The following TBC1D15 variants were observed in gnomAD, a reference collection of about 807,000 sequenced individuals.
TBC1D15 encodes the protein GAP for RAB7.
TBC1D15 carries 39 observed loss-of-function variants against 95.4 expected under a neutral mutation model. That is an observed-to-expected ratio of 0.41 (90% confidence interval 0.32 to 0.53). TBC1D15 has a LOEUF of 0.53. Ranked by LOEUF, TBC1D15 falls within the 20% of genes least tolerant of loss-of-function variation. The probability of loss-of-function intolerance (pLI) is 0.29; values close to 1 mark genes in which losing one functional copy is unlikely to be tolerated. For missense variants in TBC1D15, 733 were observed against 794.3 expected (o/e 0.92, Z 0.93); for synonymous variants, 258 against 261.3 (o/e 0.99, Z 0.12).
intron 11 of TBC1D15, among the ~76,000 whole-genome samples, chr12:71,908,247 C>T (rs1240236807): frequency 3.9e-5 from 6 of 152,088 alleles, no homozygotes; most frequent in Admixed American, 3.9e-4. Flanking sequence ...GGGTAGAAAA[C>T]TTAAGGAACC....
chr12:71,894,822 A>G lies in TBC1D15; in HGVS notation c.794A>G (p.Asp265Gly), dbSNP rs1232097158. ...TCAGAAATGGCAGATTTTCTTAGTG[A>G]TGCTATTCCAGGTCTAAAGATAAAT... ...PPSEMADFLS[D>G]AIPGLKINQQ... The change falls in exon 7 of 17, where the codon GAT becomes GGT. Residue 265 changes from aspartate (D) to glycine (G), a missense_variant. Transcript: ENST00000485960. 1.9e-6 allele frequency: 3 copies of G among 1,613,278 alleles called. No homozygotes were observed. The highest frequency in any genetic ancestry group is 2.5e-6 in the Non-Finnish European group (3 of 1,179,362).
At chr12:71,857,777 C>A (rs560995223) in intron 1 of TBC1D15, among the ~76,000 whole-genome samples, 3 of 152,234 alleles carry the variant, frequency 2.0e-5, no homozygotes, top group African/African-American at 7.2e-5. Context: ...TGCTGTAGAA[C>A]GTTAGAATTT....
intron 1 of TBC1D15, among the ~76,000 whole-genome samples, chr12:71,869,132 T>C (rs1302121973): frequency 3.9e-5 from 6 of 152,144 alleles, no homozygotes; most frequent in Non-Finnish European, 8.8e-5. Flanking sequence ...ATCTACTTAT[T>C]TAACTGGAGG....
At chr12:71,901,639 C>T (rs900038732) in intron 10 of TBC1D15, among the ~76,000 whole-genome samples, 2 of 152,094 alleles carry the variant, frequency 1.3e-5, no homozygotes, top group African/African-American at 2.4e-5. Flanking sequence ...CTATCACAGA[C>T]CCACAGCCAA....
At chr12:71,858,422 C>A (rs1010785826) in intron 1 of TBC1D15, among the ~76,000 whole-genome samples, 2 of 151,262 alleles carry the variant, frequency 1.3e-5, no homozygotes, top group Admixed American at 6.6e-5. Flanking sequence ...AGATTGACTC[C>A]GTATCTTGGC....
chr12:71,868,493 A>G (rs995310810), intron 1 of TBC1D15, among the ~76,000 whole-genome samples: 3 of 151,882 alleles, frequency 2.0e-5, no homozygotes, highest in South Asian at 2.1e-4. Flanking sequence ...TGATCCACCC[A>G]CCTCGGCCTC....
At chr12:71,868,421 A>G (rs947160415) in intron 1 of TBC1D15, among the ~76,000 whole-genome samples, 4 of 151,432 alleles carry the variant, frequency 2.6e-5, no homozygotes, top group Non-Finnish European at 4.4e-5. Flanking sequence ...AATTTTTTCT[A>G]TTTTTTAGTA....
intron 1 of TBC1D15, among the ~76,000 whole-genome samples, chr12:71,846,313 T>C (rs1886251775): frequency 6.6e-6 from 1 of 152,242 alleles, no homozygotes; most frequent in Non-Finnish European, 1.5e-5. Context: ...AATAAGAGCC[T>C]GGAGGGCATG....
rs530620425 is a variant in TBC1D15 at position 71,864,801 on chromosome 12, G to A, written c.31-7269G>A. On this transcript the variant is annotated intron_variant, in intron 1 of 16. Coordinates refer to ENST00000485960, the MANE Select transcript of TBC1D15 (RefSeq NM_001146213.3). Reference sequence around the variant, plus strand: ...ATTACAGGCGTGAGCCACCGTGCCCGGCCTACCTACAGTTGGGTTTTAATT... The same window carrying A: ...ATTACAGGCGTGAGCCACCGTGCCCAGCCTACCTACAGTTGGGTTTTAATT... Among the ~76,000 whole-genome samples the A allele has an allele frequency of 2.1e-3, 313 of 152,176 alleles. 1 individual carries two copies. The highest frequency in any genetic ancestry group is 7.4e-3 in the African/African-American group (308 of 41,466).
At chr12:71,867,449 A>G (rs539133155) in intron 1 of TBC1D15, among the ~76,000 whole-genome samples, 3 of 152,340 alleles carry the variant, frequency 2.0e-5, no homozygotes, top group Non-Finnish European at 4.4e-5. Flanking sequence ...GTAGATAACA[A>G]TACTGGTTTT....
chr12:71,863,350 C>G (rs1424558298), intron 1 of TBC1D15, among the ~76,000 whole-genome samples: 3 of 151,978 alleles, frequency 2.0e-5, no homozygotes, highest in African/African-American at 7.3e-5. Flanking sequence ...TGCACTCCAG[C>G]CTGGGCGACA....
intron 12 of TBC1D15, among the ~76,000 whole-genome samples, chr12:71,917,058 G>A (rs779303053): frequency 3.3e-5 from 5 of 151,532 alleles, no homozygotes; most frequent in South Asian, 2.1e-4. Flanking sequence ...AAAATTTACC[G>A]ACACAAGAGA....
intron 1 of TBC1D15, chr12:71,854,658 T>C (rs1374815259): frequency 2.2e-6 from 1 of 456,478 alleles, no homozygotes; most frequent in Non-Finnish European, 4.4e-6. Flanking sequence ...GTCATCATCA[T>C]ATACATAGAG....
intron 5 of TBC1D15, among the ~76,000 whole-genome samples, chr12:71,892,624 C>T (rs1897386001): frequency 1.3e-5 from 2 of 151,870 alleles, no homozygotes; most frequent in South Asian, 4.1e-4. Flanking sequence ...CATAGTATTA[C>T]CCAACCATTC....
At chr12:71,909,250 A>G (rs1901574657) in intron 11 of TBC1D15, among the ~76,000 whole-genome samples, 1 of 152,230 alleles carries the variant, frequency 6.6e-6, no homozygotes, top group East Asian at 1.9e-4. Context: ...TATAAAAGCA[A>G]TAGACAACAT....
At chr12:71,874,186 A>G (rs1893279800) in intron 3 of TBC1D15, among the ~76,000 whole-genome samples, 1 of 152,180 alleles carries the variant, frequency 6.6e-6, no homozygotes, top group South Asian at 2.1e-4. Context: ...AAACACCGCA[A>G]TTACTTTTGC....
chr12:71,889,742 A>G (rs1174255367), intron 5 of TBC1D15, among the ~76,000 whole-genome samples: 1 of 152,180 alleles, frequency 6.6e-6, no homozygotes, highest in Non-Finnish European at 1.5e-5. Flanking sequence ...TCACACAGGT[A>G]GTAAGTATAG....
At chr12:71,907,739 A>G (rs1901100803) in intron 11 of TBC1D15, 1 of 152,198 alleles carries the variant, frequency 6.6e-6, no homozygotes, top group South Asian at 2.1e-4. Flanking sequence ...AAGTTTGCAA[A>G]CCGTTGTTTG....
intron 1 of TBC1D15, chr12:71,849,997 A>T: frequency 1.9e-6 from 1 of 514,904 alleles, no homozygotes; most frequent in South Asian, 1.7e-5. Context: ...AACTCAAAAA[A>T]TTAAAGGGTT....
Sources: gnomAD v4.1 joint callset for allele counts (sites outside exome capture counted in the v4.1 genomes callset) on GRCh38, gnomAD v4.1.1 for gene constraint, MANE v1.5 for transcripts, NCBI Gene and HGNC (gene_info 2026-07-23, HGNC 2026-07-21) for gene names.